Variants in SLC23A2 observed in about 807,000 individuals in gnomAD.
The protein encoded by SLC23A2 is solute carrier family 23 member 2, also known as Na(+)/L-ascorbic acid transporter 2.
In SLC23A2, 36 loss-of-function variants were observed where a neutral mutation model predicts 73.3. The observed-to-expected ratio is 0.49, with a 90% confidence interval of 0.38 to 0.65. SLC23A2 has a LOEUF of 0.65. Ranked by LOEUF, SLC23A2 falls within the 30% of genes least tolerant of loss-of-function variation. The probability of loss-of-function intolerance (pLI) is 0.00; values close to 1 mark genes in which losing one functional copy is unlikely to be tolerated. For synonymous variants in SLC23A2, 343 were observed against 327.3 expected (o/e 1.05, Z -0.52); for missense variants, 507 against 841.6 (o/e 0.60, Z 4.92).
In SLC23A2 at chr20:4,867,856, G is replaced by C; in HGVS notation, c.1270C>G (p.Leu424Val). 1 of 1,605,666 alleles carries C rather than the reference G, an allele frequency of 6.2e-7. No individual in the cohort carries two copies. ...AATATGCCATCAAGAACACAGGAGA[G>C]GCCTTCCACGAAAATTCCCCTAAGA... ...AINRGIFVEG[L>V]SCVLDGIFGT... Residue 424 changes from leucine (L) to valine (V), a missense_variant, in exon 13 of 17, where the codon CTC becomes GTC. Physicochemically the swap from Leu to Val is conservative, Grantham distance 32. Transcript: ENST00000338244.
intron 13 of SLC23A2, among the ~76,000 whole-genome samples, chr20:4,865,280 G>A (rs1264228107): frequency 1.3e-5 from 2 of 152,142 alleles, no homozygotes; most frequent in Non-Finnish European, 2.9e-5. Context: ...GAGATCTGAC[G>A]GCCAGCGAGA....
At chr20:4,935,627 T>C (rs1312929015) in intron 2 of SLC23A2, among the ~76,000 whole-genome samples, 1 of 151,846 alleles carries the variant, frequency 6.6e-6, no homozygotes, top group African/African-American at 2.4e-5. Context: ...TGAAATCCCA[T>C]CTCAACTAAA....
intron 2 of SLC23A2, among the ~76,000 whole-genome samples, chr20:4,941,378 T>A (rs916552208): frequency 6.6e-6 from 1 of 151,944 alleles, no homozygotes; most frequent in Non-Finnish European, 1.5e-5. Flanking sequence ...AAAATGAAAT[T>A]TTTTTAAATT....
intron 13 of SLC23A2, among the ~76,000 whole-genome samples, chr20:4,866,256 C>A (rs1445648348): frequency 3.3e-5 from 5 of 152,332 alleles, no homozygotes; most frequent in Middle Eastern, 6.8e-3. Context: ...AAAGTTTGTA[C>A]ATGCTCACCC....
In SLC23A2 at chr20:4,999,102, GCCCCGGCC is replaced by G. The variant is rs778990276; in HGVS notation, c.-282+2296_-282+2303del. 3.1e-4 allele frequency among the ~76,000 whole-genome samples: 47 copies of G among 152,256 alleles called. No individual in the cohort carries two copies. The Middle Eastern group carries it at 0.01, about 33-fold the overall frequency. On this transcript the variant is annotated intron_variant, in intron 1 of 16. Coordinates refer to ENST00000338244, the MANE Select transcript of SLC23A2 (RefSeq NM_005116.6). ...TTACAGGCATGAGCCACCATGCCCA[GCCCCGGCC>G]TACTGCTTTTAATTACCTTAACCAA...
In SLC23A2 at chr20:4,853,257, AC is replaced by A. The variant is rs1363613341; in HGVS notation, c.*3714del. 1 of 152,388 alleles carries A rather than the reference AC, an allele frequency of 6.6e-6. No individual in the cohort carries two copies. 9.4% of individuals were successfully genotyped at this position (152,388 alleles called of 1,614,324 possible). ...GGGCCTATGCCTATAGCGAGTGTAC[AC>A]CCCATGCACGGCCATCCCCCAGGAT... On this transcript the variant is annotated 3_prime_UTR_variant, in exon 17 of 17. Coordinates refer to ENST00000338244, the MANE Select transcript of SLC23A2 (RefSeq NM_005116.6).
rs1025001190 is a variant in SLC23A2, at chr20:4,975,474, G to A, written c.-281-4555C>T. Among the ~76,000 whole-genome samples, 7 of 151,914 alleles carry A rather than the reference G, an allele frequency of 4.6e-5. No individual in the cohort carries two copies. In the East Asian group the frequency reaches 7.8e-4, roughly 17 times the overall value. ...TGGCTCACTGCAAACTCCACATCCC[G>A]GGTTCAAGCCATTCTCCTGCCTCAG... On this transcript the variant is annotated intron_variant, in intron 1 of 16. Transcript: ENST00000338244.
chr20:4,974,402 A>C (rs2087611610), intron 1 of SLC23A2, among the ~76,000 whole-genome samples: 1 of 152,182 alleles, frequency 6.6e-6, no homozygotes, highest in African/African-American at 2.4e-5. Flanking sequence ...CAGGAGGCGG[A>C]GGTTGCGGTG....
intron 12 of SLC23A2, 82 bp from the exon 13 acceptor site, chr20:4,867,957 A>C: frequency 1.2e-6 from 1 of 815,342 alleles, no homozygotes; most frequent in Non-Finnish European, 2.0e-6. Context: ...CACATCTACA[A>C]TCCAAAAATG....
At position 4,870,306 on chromosome 20, in the gene SLC23A2, C is replaced by T. The variant is rs114207643; in HGVS notation, c.1103-253G>A. On this transcript the variant is annotated intron_variant, in intron 11 of 16. Transcript: ENST00000338244. Reference sequence around the variant, plus strand: ...TAAAAGAAAACATCGTAGCCGGATGCGGTGGCTCACGCCTGTAATCCCAGC... The same window carrying T: ...TAAAAGAAAACATCGTAGCCGGATGTGGTGGCTCACGCCTGTAATCCCAGC... Among the ~76,000 whole-genome samples the T allele has an allele frequency of 1.8e-4, 28 of 152,278 alleles. 1 individual carries two copies. The highest frequency in any genetic ancestry group is 6.3e-4 in the African/African-American group (26 of 41,560).
chr20:4,973,512 G>A (rs1305261663), intron 1 of SLC23A2, among the ~76,000 whole-genome samples: 1 of 152,140 alleles, frequency 6.6e-6, no homozygotes, highest in Admixed American at 6.5e-5. Flanking sequence ...CACAGAACTG[G>A]GTCAGAGGTT....
At chr20:4,982,118 C>G (rs908304522) in intron 1 of SLC23A2, among the ~76,000 whole-genome samples, 2 of 152,124 alleles carry the variant, frequency 1.3e-5, no homozygotes, top group African/African-American at 4.8e-5. Context: ...TCTCAGACTC[C>G]CCAGTAGCTG....
intron 2 of SLC23A2, among the ~76,000 whole-genome samples, chr20:4,961,149 C>G (rs1436520062): frequency 2.7e-5 from 4 of 150,180 alleles, no homozygotes; most frequent in Admixed American, 6.6e-5. Context: ...GCTCTGTCGC[C>G]CAGGCTGGAG....
At chr20:4,966,856 A>ACACG (rs1436626667) in intron 2 of SLC23A2, among the ~76,000 whole-genome samples, 1 of 147,316 alleles carries the variant, frequency 6.8e-6, no homozygotes, top group Non-Finnish European at 1.5e-5. Flanking sequence ...ACACACACAC[A>ACACG]GGCATGGCCA....
rs6107545 is a variant in SLC23A2 at position 4,872,898 on chromosome 20, A to G, written c.1102+1038T>C. 0.26 allele frequency among the ~76,000 whole-genome samples: 38,875 copies of G among 151,772 alleles called. 7,505 individuals carry two copies. The highest frequency in any genetic ancestry group is 0.55 in the African/African-American group (22,645 of 41,318). On this transcript the variant is annotated intron_variant, in intron 11 of 16. Transcript: ENST00000338244. This position sits in a 1 kb window ranked among gnomAD's most constrained non-coding sequence, Gnocchi z 4.4. Reference sequence around the variant, plus strand: ...GCCTCCCGAGTAGCTGGAATTACAGACACCCGTCATCAGGCCTGGCTCATT... The same window carrying G: ...GCCTCCCGAGTAGCTGGAATTACAGGCACCCGTCATCAGGCCTGGCTCATT...
At chr20:5,005,025 A>AAATAAATAAATG (rs1458468252), upstream of SLC23A2, among the ~76,000 whole-genome samples, 1 of 150,724 alleles carries the variant, frequency 6.6e-6, no homozygotes, top group Non-Finnish European at 1.5e-5. Context: ...ATAAATAAAT[A>AAATAAATAAATG]AATAAATAAA....
chr20:4,907,350 TA>T (rs1931993087), intron 4 of SLC23A2, among the ~76,000 whole-genome samples: 1 of 151,928 alleles, frequency 6.6e-6, no homozygotes, highest in Admixed American at 6.6e-5. Context: ...CACGATTAGA[TA>T]AACTTCATCA....
Position 4,987,258 on chromosome 20 carries a change from A to G in SLC23A2, c.-282+14148T>C, listed in dbSNP as rs34950233. On this transcript the variant is annotated intron_variant, in intron 1 of 16. Transcript: ENST00000338244. Reference sequence around the variant, plus strand: ...TGAAAGAATAAAGGAAGAGGAACAAAAACCCATCAAACTTCTCTGAGGGAG... The same window carrying G: ...TGAAAGAATAAAGGAAGAGGAACAAGAACCCATCAAACTTCTCTGAGGGAG... Among the ~76,000 whole-genome samples the G allele has an allele frequency of 8.4e-3, 1,283 of 152,296 alleles. 48 individuals are homozygous for G. The South Asian group carries it at 0.14, about 16-fold the overall frequency.
intron 3 of SLC23A2, among the ~76,000 whole-genome samples, chr20:4,922,962 T>C (rs1932546205): frequency 6.6e-6 from 1 of 152,202 alleles, no homozygotes; most frequent in African/African-American, 2.4e-5. Context: ...ACAAATTGTG[T>C]GTCTCCCAAC....
Sources: allele counts gnomAD v4.1 joint callset (sites outside exome capture counted in the v4.1 genomes callset), GRCh38; gene constraint gnomAD v4.1.1; non-coding constraint Gnocchi (gnomAD v3.1); transcripts MANE v1.5; gene names NCBI Gene and HGNC (gene_info 2026-07-23, HGNC 2026-07-21).